The following CDH18 variants were observed in gnomAD, a reference collection of about 807,000 sequenced individuals.
The protein encoded by CDH18 is cadherin 18, also known as cadherin-18.
Under a neutral mutation model 67.9 loss-of-function variants are expected in CDH18, and 31 were observed. That is an observed-to-expected ratio of 0.46 (90% CI 0.34 to 0.62). The LOEUF (loss-of-function observed/expected upper bound fraction) is 0.62, where lower values mean the gene tolerates loss of function less well. CDH18 is among the 20% of genes least tolerant of loss of function. The pLI, the probability that CDH18 is intolerant of heterozygous loss-of-function variation, is 0.01. For missense variants in CDH18, 890 were observed against 975.5 expected (o/e 0.91, Z 1.17); for synonymous variants, 362 against 347.2 (o/e 1.04, Z -0.48).
At chr5:20,358,932 C>CTTTTTTTTTTTT (rs66786530) in intron 1 of CDH18, among the ~76,000 whole-genome samples, 1 of 128,180 alleles carries the variant, frequency 7.8e-6, no homozygotes, top group African/African-American at 3.0e-5. Flanking sequence ...TTTTTTCTTT[C>CTTTTTTTTTTTT]TTTTTTTTTT....
chr5:20,034,647 T>G (rs1466000372), intron 2 of CDH18, among the ~76,000 whole-genome samples: 1 of 152,064 alleles, frequency 6.6e-6, no homozygotes, highest in Admixed American at 6.6e-5. Context: ...ACCTTTAAAC[T>G]TGGGCTCCAA....
chr5:19,758,479 G>C (rs1180838682), intron 3 of CDH18, among the ~76,000 whole-genome samples: 1 of 152,180 alleles, frequency 6.6e-6, no homozygotes, highest in African/African-American at 2.4e-5. Context: ...GGATCTACTG[G>C]GTCATGTGGC....
chr5:19,535,893 T>C (rs1331978946), intron 9 of CDH18, among the ~76,000 whole-genome samples: 1 of 152,184 alleles, frequency 6.6e-6, no homozygotes, highest in Non-Finnish European at 1.5e-5. Flanking sequence ...AATGAATGAT[T>C]AGAGTTTCCT....
intron 1 of CDH18, among the ~76,000 whole-genome samples, chr5:20,468,322 C>T (rs1751808738): frequency 6.6e-6 from 1 of 152,096 alleles, no homozygotes; most frequent in South Asian, 2.1e-4. Flanking sequence ...AGCCTACTTA[C>T]TTTCTAATTG....
chr5:19,913,650 G>A (rs1791412254), intron 2 of CDH18, among the ~76,000 whole-genome samples: 1 of 152,114 alleles, frequency 6.6e-6, no homozygotes, highest in African/African-American at 2.4e-5. Flanking sequence ...CTTCAGAGAT[G>A]TGTGTACTTA....
rs2974593 is a variant in CDH18 at position 20,290,840 on chromosome 5, G to A, written c.-579-35335C>T. On this transcript the variant is annotated intron_variant, in intron 1 of 14. Transcript: ENST00000507958. ...GACTAGGTCCAGAACATTGTGGCAT[G>A]GTATGTCATTCTATGAAGCCTGGTT... is the stretch of plus-strand genomic sequence containing the variant. Among the ~76,000 whole-genome samples the A allele has an allele frequency of 8.8e-3, 1,338 of 152,238 alleles. 22 individuals are homozygous for A. Among genetic ancestry groups the A allele is most frequent in the African/African-American group, 0.03 (1,229 of 41,560 alleles).
intron 2 of CDH18, among the ~76,000 whole-genome samples, chr5:20,194,954 T>C (rs748103242): frequency 6.6e-6 from 1 of 152,098 alleles, no homozygotes; most frequent in Non-Finnish European, 1.5e-5. Context: ...TTTATTTTCA[T>C]GAGGATGCTT....
chr5:19,499,153 T>C (rs1438872421), intron 11 of CDH18, among the ~76,000 whole-genome samples: 2 of 152,188 alleles, frequency 1.3e-5, no homozygotes, highest in African/African-American at 2.4e-5. Context: ...GTGAACTCTG[T>C]CCCTCATGTA....
chr5:20,423,643 A>G (rs1748034750), intron 1 of CDH18, among the ~76,000 whole-genome samples: 1 of 151,036 alleles, frequency 6.6e-6, no homozygotes, highest in Non-Finnish European at 1.5e-5. Context: ...TAACAACGGT[A>G]GAATCAAAAA....
At chr5:20,090,480 A>G (rs1745323222) in intron 2 of CDH18, among the ~76,000 whole-genome samples, 1 of 152,138 alleles carries the variant, frequency 6.6e-6, no homozygotes, top group East Asian at 1.9e-4. Context: ...GGCTGCAATG[A>G]GCCAAGATCA....
At chr5:19,672,622 G>A (rs1758908194) in intron 5 of CDH18, among the ~76,000 whole-genome samples, 1 of 151,858 alleles carries the variant, frequency 6.6e-6, no homozygotes. Flanking sequence ...CTGGTCTATG[G>A]TATTAATATC....
At chr5:20,529,536 C>A (rs1756273967) in intron 1 of CDH18, among the ~76,000 whole-genome samples, 1 of 152,094 alleles carries the variant, frequency 6.6e-6, no homozygotes, top group South Asian at 2.1e-4. Flanking sequence ...AAAAGCTTAT[C>A]CACCACAATC....
intron 3 of CDH18, among the ~76,000 whole-genome samples, chr5:19,777,416 G>A (rs563609292): frequency 6.6e-6 from 1 of 152,308 alleles, no homozygotes; most frequent in East Asian, 1.9e-4. Context: ...AATCCAGTTT[G>A]GGTAGGTTAG....
chr5:19,937,654 C>T (rs1239527427), intron 2 of CDH18, among the ~76,000 whole-genome samples: 2 of 151,210 alleles, frequency 1.3e-5, no homozygotes, highest in East Asian at 3.9e-4. Context: ...AATACCTAGC[C>T]TCACTATGGG....
At position 20,334,731 on chromosome 5, in the gene CDH18, C is replaced by CTA. The variant is rs1325490576; in HGVS notation, c.-579-79227_-579-79226insTA. On this transcript the variant is annotated intron_variant, in intron 1 of 14. Coordinates refer to the CDH18 transcript ENST00000507958. ...CCAACACATATATGAGTGCTATGAT[C>CTA]TCTCTCTCTCTCTCTCTCTCATACA... Among the ~76,000 whole-genome samples, 463 of 113,260 alleles carry CTA rather than the reference C, an allele frequency of 4.1e-3. 2 individuals are homozygous for CTA. The highest frequency in any genetic ancestry group is 6.2e-3 in the African/African-American group (155 of 24,816). The allele number at this position is 113,260 out of a possible 152,430, so 74.3% of individuals were successfully genotyped here.
intron 3 of CDH18, among the ~76,000 whole-genome samples, chr5:19,761,958 A>C (rs1285759285): frequency 6.6e-6 from 1 of 152,086 alleles, no homozygotes; most frequent in Non-Finnish European, 1.5e-5. Context: ...ACCATCTGAT[A>C]TTTGACAAAC....
chr5:19,842,402 T>C (rs956265168), intron 2 of CDH18, among the ~76,000 whole-genome samples: 1 of 152,154 alleles, frequency 6.6e-6, no homozygotes, highest in African/African-American at 2.4e-5. Context: ...TATCACAAGA[T>C]CTGACGGTTT....
intron 2 of CDH18, among the ~76,000 whole-genome samples, chr5:19,900,697 T>C (rs1466112192): frequency 6.6e-6 from 1 of 151,840 alleles, no homozygotes; most frequent in Non-Finnish European, 1.5e-5. Context: ...AATGAATGGA[T>C]ATATACCAAT....
chr5:19,601,749 C>A (rs1249764948), intron 6 of CDH18, among the ~76,000 whole-genome samples: 1 of 151,896 alleles, frequency 6.6e-6, no homozygotes, highest in African/African-American at 2.4e-5. Context: ...GGAATGTACA[C>A]CATGAGCAAT....
Sources: allele counts gnomAD v4.1 joint callset (sites outside exome capture counted in the v4.1 genomes callset), GRCh38; gene constraint gnomAD v4.1.1; transcripts MANE v1.5; gene names NCBI Gene and HGNC (gene_info 2026-07-23, HGNC 2026-07-21).